The following DOCK7 variants were observed in gnomAD, a reference collection of about 807,000 sequenced individuals.
DOCK7 encodes dedicator of cytokinesis protein 7.
In DOCK7, 138 loss-of-function variants were observed where a neutral mutation model predicts 271.0. That is an observed-to-expected ratio of 0.51 (90% CI 0.44 to 0.59). The LOEUF (loss-of-function observed/expected upper bound fraction) is 0.59. Among genes scored for constraint, DOCK7 ranks in the 20% least tolerant of loss-of-function variants. The pLI, the probability that DOCK7 is intolerant of heterozygous loss-of-function variation, is 0.00. For synonymous variants in DOCK7, 823 were observed against 876.1 expected (o/e 0.94, Z 1.07); for missense variants, 2,066 against 2,592.4 (o/e 0.80, Z 4.41).
chr1:62,605,553 A>G (rs928756330), intron 14 of DOCK7: 1 of 152,438 alleles, frequency 6.6e-6, no homozygotes, highest in Non-Finnish European at 1.5e-5. Context: ...TTTAACACTT[A>G]ATACTATGAA....
Position 62,457,626 on chromosome 1 carries a change from A to G in DOCK7, c.6292T>C (p.Tyr2098His). The G allele has an allele frequency of 6.2e-7, 1 of 1,614,176 alleles. No homozygotes were observed. ...TGTAGGGCCTCTTTAAGGCGATGATAGTTTCTCTCCAGTTCCCTTTGATAC... is the reference window on the plus strand; with the variant it reads ...TGTAGGGCCTCTTTAAGGCGATGATGGTTTCTCTCCAGTTCCCTTTGATAC... ...KEYQRELERN[Y>H]HRLKEALQPL... Residue 2098 changes from tyrosine (Y) to histidine (H), a missense_variant, in exon 49 of 50, where the codon TAT (tyrosine) becomes CAT (histidine). Physicochemically the swap from Tyr to His is moderately conservative, Grantham distance 83. Around this residue, in one of 2 missense-constraint regions of DOCK7, gnomAD observed 652 missense variants for 922.1 expected, o/e 0.71. Coordinates refer to ENST00000635253, the MANE Select transcript of DOCK7 (RefSeq NM_001367561.1).
intron 4 of DOCK7, among the ~76,000 whole-genome samples, chr1:62,653,203 T>C (rs1298660689): frequency 6.6e-6 from 1 of 152,198 alleles, no homozygotes; most frequent in East Asian, 1.9e-4. Context: ...TGACTTGCTA[T>C]TGCACAGTTT....
At chr1:62,622,508 C>G (rs965276672) in intron 12 of DOCK7, among the ~76,000 whole-genome samples, 1 of 152,040 alleles carries the variant, frequency 6.6e-6, no homozygotes, top group Non-Finnish European at 1.5e-5. Flanking sequence ...GGCTGGAATA[C>G]AGTGGCATTA....
intron 31 of DOCK7, among the ~76,000 whole-genome samples, chr1:62,525,000 A>C (rs974977474): frequency 3.4e-5 from 5 of 146,522 alleles, no homozygotes; most frequent in African/African-American, 7.7e-5. Flanking sequence ...TAGACGGTAA[A>C]ACTCTCTATC....
At chr1:62,497,367 T>C (rs1346620340) in intron 37 of DOCK7, among the ~76,000 whole-genome samples, 5 of 152,226 alleles carry the variant, frequency 3.3e-5, no homozygotes, top group South Asian at 2.1e-4. Context: ...TATTTGTCTG[T>C]AGAACTCCAG....
intron 15 of DOCK7, among the ~76,000 whole-genome samples, 182 bp from the exon 16 acceptor site, chr1:62,583,436 TCAA>T (rs981233647): frequency 6.6e-6 from 1 of 152,236 alleles, no homozygotes; most frequent in Non-Finnish European, 1.5e-5. Flanking sequence ...AAGTTTCTTT[TCAA>T]CAACAGACCC....
At chr1:62,543,004 T>C (rs978545248) in intron 24 of DOCK7, among the ~76,000 whole-genome samples, 2 of 152,202 alleles carry the variant, frequency 1.3e-5, no homozygotes, top group Admixed American at 6.6e-5. Context: ...TAAAAACTTA[T>C]AGTACAGTAA....
chr1:62,510,476 G>C (rs1571343297), intron 34 of DOCK7, 101 bp downstream of exon 34: 9 of 778,180 alleles, frequency 1.2e-5, no homozygotes, highest in East Asian at 5.7e-5. Context: ...TTTATTAAGT[G>C]TAAATACTAA....
intron 4 of DOCK7, among the ~76,000 whole-genome samples, chr1:62,653,498 T>C (rs546460146): frequency 1.3e-5 from 2 of 152,330 alleles, no homozygotes; most frequent in East Asian, 3.9e-4. Context: ...TAATGATTTA[T>C]AATAATACAG....
In DOCK7 at chr1:62,480,513, C is replaced by T. The variant is rs569982956; in HGVS notation, c.5509-2688G>A. On this transcript the variant is annotated intron_variant, in intron 43 of 49. Transcript: ENST00000635253. ...AAAAGAGGTATAAGGGAAGATTAAT[C>T]TTGTTGCAAGTAAGTCACAACAGAG... is the stretch of plus-strand genomic sequence containing the variant. 3.3e-5 allele frequency among the ~76,000 whole-genome samples: 5 copies of T among 152,222 alleles called. No individual in the cohort carries two copies. The South Asian group carries it at 1.0e-3, about 32-fold the overall frequency.
At chr1:62,683,116 A>C (rs1385694882) in intron 1 of DOCK7, among the ~76,000 whole-genome samples, 3 of 152,230 alleles carry the variant, frequency 2.0e-5, no homozygotes, top group Admixed American at 1.3e-4. Context: ...GGTAAACCTC[A>C]TCTCAAATGG....
intron 7 of DOCK7, among the ~76,000 whole-genome samples, chr1:62,637,632 C>T (rs945018822): frequency 4.6e-5 from 7 of 152,074 alleles, no homozygotes; most frequent in South Asian, 2.1e-4. Context: ...AAAAGAGAAT[C>T]GAGGACCTTG....
intron 48 of DOCK7, among the ~76,000 whole-genome samples, chr1:62,463,350 AG>A (rs1437566743): frequency 1.3e-5 from 2 of 152,234 alleles, no homozygotes; most frequent in Non-Finnish European, 2.9e-5. Context: ...ATATAGTAAT[AG>A]GAACTCAAAT....
At chr1:62,520,859 C>T (rs1361809888) in intron 31 of DOCK7, among the ~76,000 whole-genome samples, 2 of 152,094 alleles carry the variant, frequency 1.3e-5, no homozygotes, top group Admixed American at 1.3e-4. Flanking sequence ...AATCCCAATG[C>T]CCATCAATGA....
chr1:62,668,426 C>A (rs1289395651), intron 1 of DOCK7, among the ~76,000 whole-genome samples: 1 of 152,146 alleles, frequency 6.6e-6, no homozygotes, highest in Admixed American at 6.5e-5. Context: ...TTTGAGCAAA[C>A]CAGCTGTAAA....
Position 62,552,746 on chromosome 1 carries a change from T to C in DOCK7, c.2752A>G (p.Ile918Val), listed in dbSNP as rs757257207. ...PTSPDDEVRS[I>V]IGSKGLDRSN... ...CTTCAGTTTACCTTACTCCCGATGATTGATCGAACTTCATCATCTGGTGAC... is the reference window on the plus strand; with the variant it reads ...CTTCAGTTTACCTTACTCCCGATGACTGATCGAACTTCATCATCTGGTGAC... Residue 918 changes from isoleucine (I) to valine (V), a missense_variant, in exon 22 of 50, where the codon ATC (isoleucine) becomes GTC (valine). Physicochemically the swap from Ile to Val is conservative, Grantham distance 29. Transcript: ENST00000635253. The C allele has an allele frequency of 2.3e-5, 37 of 1,611,696 alleles. No individual in the cohort carries two copies. Among genetic ancestry groups the C allele is most frequent in the Middle Eastern group, 1.6e-4 (1 of 6,080 alleles).
intron 15 of DOCK7, chr1:62,583,985 G>T: frequency 4.0e-6 from 1 of 247,236 alleles, no homozygotes; most frequent in Non-Finnish European, 6.5e-6. Context: ...TAATTCCTAT[G>T]TGAGACAGAC....
intron 25 of DOCK7, 42 bp from the exon 26 acceptor site, chr1:62,539,934 T>G: frequency 7.2e-7 from 1 of 1,396,832 alleles, no homozygotes; most frequent in East Asian, 2.5e-5. Flanking sequence ...ATGAATATAT[T>G]TAACAATTAC....
At chr1:62,631,604 G>A (rs141535559) in intron 10 of DOCK7, among the ~76,000 whole-genome samples, 199 bp from the exon 11 acceptor site, 40 of 152,254 alleles carry the variant, frequency 2.6e-4, no homozygotes, top group African/African-American at 8.9e-4. Flanking sequence ...ACAAATGTAC[G>A]TACAGAGCAG....
Sources: gnomAD v4.1 joint callset for allele counts (sites outside exome capture counted in the v4.1 genomes callset) on GRCh38, gnomAD v4.1.1 for gene constraint, gnomAD v4.1.1 regional missense constraint, MANE v1.5 for transcripts, NCBI Gene and HGNC (gene_info 2026-07-23, HGNC 2026-07-21) for gene names.